The following PRKAR2A variants were observed in gnomAD, a reference collection of about 807,000 sequenced individuals.
PRKAR2A encodes the protein cAMP-dependent protein kinase type II-alpha regulatory subunit.
Under a neutral mutation model 51.9 loss-of-function variants are expected in PRKAR2A, and 29 were observed. That is an observed-to-expected ratio of 0.56 (90% CI 0.42 to 0.76). PRKAR2A has a LOEUF of 0.76. Among genes scored for constraint, PRKAR2A ranks in the 30% least tolerant of loss-of-function variants. The pLI is 0.00. For missense variants in PRKAR2A, 445 were observed against 512.1 expected, an observed-to-expected ratio of 0.87 and a Z score of 1.26; for synonymous variants, 178 against 186.2, an observed-to-expected ratio of 0.96 and a Z score of 0.36.
downstream of PRKAR2A, among the ~76,000 whole-genome samples, chr3:48,745,740 T>C (rs1222805913): frequency 6.6e-6 from 1 of 152,078 alleles, no homozygotes; most frequent in African/African-American, 2.4e-5. Flanking sequence ...GGTTTCACCA[T>C]GTTGGCCAGG....
intron 1 of PRKAR2A, among the ~76,000 whole-genome samples, chr3:48,819,594 T>C (rs1396041067): frequency 2.6e-5 from 4 of 152,224 alleles, no homozygotes; most frequent in Admixed American, 6.5e-5. Context: ...AATTCCACCA[T>C]TCCATTATTT....
chr3:48,778,766 C>T (rs940649020), intron 5 of PRKAR2A, among the ~76,000 whole-genome samples: 2 of 151,222 alleles, frequency 1.3e-5, no homozygotes, highest in Non-Finnish European at 2.9e-5. Flanking sequence ...GACCTGCCCG[C>T]CTCAGCCTCC....
chr3:48,825,080 G>C (rs1277500005), intron 1 of PRKAR2A, among the ~76,000 whole-genome samples: 1 of 130,902 alleles, frequency 7.6e-6, no homozygotes, highest in African/African-American at 2.9e-5. Flanking sequence ...TGTTGCCCAG[G>C]CTGGAGTGCA....
intron 4 of PRKAR2A, among the ~76,000 whole-genome samples, chr3:48,784,112 G>T (rs1056797760): frequency 6.6e-6 from 1 of 152,150 alleles, no homozygotes; most frequent in East Asian, 1.9e-4. Context: ...ATAATGAAAA[G>T]AAAATAATAC....
chr3:48,816,257 C>T (rs573850321), intron 1 of PRKAR2A, among the ~76,000 whole-genome samples: 1 of 152,174 alleles, frequency 6.6e-6, no homozygotes, highest in African/African-American at 2.4e-5. Context: ...AGTGAAAACA[C>T]CCTAGGCACA....
At chr3:48,772,733 C>T (rs1165824335) in intron 6 of PRKAR2A, among the ~76,000 whole-genome samples, 6 of 152,082 alleles carry the variant, frequency 3.9e-5, no homozygotes, top group South Asian at 2.1e-4. Context: ...CTCCACCTCC[C>T]GAGTTCACGC....
At position 48,829,847 on chromosome 3, in the gene PRKAR2A, G is replaced by GTGTATATATATATA. The variant is rs777532795; in HGVS notation, c.262+17487_262+17488insTATATATATATACA. Reference sequence around the variant, plus strand: ...TATACATACATATATATGCGTGTGTGTATATATATATATATATATATATAT... The same window carrying GTGTATATATATATA: ...TATACATACATATATATGCGTGTGTGTGTATATATATATATATATATATATATATATATATATAT... On this transcript the variant is annotated intron_variant, in intron 1 of 10. Coordinates refer to ENST00000265563, the MANE Select transcript of PRKAR2A (RefSeq NM_004157.4). Among the ~76,000 whole-genome samples, 66 of 63,732 alleles carry GTGTATATATATATA rather than the reference G, an allele frequency of 1.0e-3. 1 individual carries two copies. Among genetic ancestry groups the GTGTATATATATATA allele is most frequent in the East Asian group, 2.9e-3 (5 of 1,706 alleles). 41.8% of individuals were successfully genotyped at this position (63,732 alleles called of 152,430 possible). A position where few individuals can be genotyped will look rare whatever the true frequency, so the allele number is the denominator to read the frequency against.
In PRKAR2A at chr3:48,778,178, G is replaced by C. The variant is rs192090162; in HGVS notation, c.542+4808C>G. Among the ~76,000 whole-genome samples the C allele has an allele frequency of 1.4e-3, 210 of 152,086 alleles. 3 individuals are homozygous for C. Among genetic ancestry groups the C allele is most frequent in the Non-Finnish European group, 2.2e-4 (15 of 67,976 alleles). ...GACAATCTTTCTTTTTTGTTTTGTAGAGACAGGGGTCTCACTATGTTGCCC... is the reference window on the plus strand; with the variant it reads ...GACAATCTTTCTTTTTTGTTTTGTACAGACAGGGGTCTCACTATGTTGCCC... On this transcript the variant is annotated intron_variant, in intron 5 of 10. Transcript: ENST00000265563.
In PRKAR2A at chr3:48,847,756, C is replaced by T; in HGVS notation, c.-160G>A. ...TGGCCGGCTCTGCGTTTCCGGGCCGCGCAACCCTACGCTACCACGGCCGAC... is the reference window on the plus strand; with the variant it reads ...TGGCCGGCTCTGCGTTTCCGGGCCGTGCAACCCTACGCTACCACGGCCGAC... On this transcript the variant is annotated 5_prime_UTR_variant, in exon 1 of 11. Transcript: ENST00000265563. This position sits in a 1 kb window ranked among gnomAD's most constrained non-coding sequence, Gnocchi z 4.4. The T allele has an allele frequency of 1.4e-6, 1 of 716,134 alleles. No homozygotes were observed. The highest frequency in any genetic ancestry group is 2.0e-6 in the Non-Finnish European group (1 of 498,722). The allele number at this position is 716,134 out of a possible 1,614,324, so 44.4% of individuals were successfully genotyped here. A position where few individuals can be genotyped will look rare whatever the true frequency, so the allele number is the denominator to read the frequency against.
chr3:48,827,526 G>A (rs72931155), intron 1 of PRKAR2A, among the ~76,000 whole-genome samples: 7,187 of 152,208 alleles, frequency 0.047, 572 homozygotes, highest in African/African-American at 0.16. Context: ...ATTACAGAGT[G>A]TACTTACACA....
intron 1 of PRKAR2A, among the ~76,000 whole-genome samples, chr3:48,815,890 G>A (rs1559638184): frequency 6.6e-6 from 1 of 150,378 alleles, no homozygotes. Context: ...GTGGTGGCAC[G>A]CGCCTGTAAT....
intron 9 of PRKAR2A, among the ~76,000 whole-genome samples, chr3:48,754,375 C>G (rs371146876): frequency 6.6e-6 from 1 of 151,878 alleles, no homozygotes; most frequent in African/African-American, 2.4e-5. Flanking sequence ...GTAGCTGTGA[C>G]TACAGCTATG....
intron 8 of PRKAR2A, among the ~76,000 whole-genome samples, 169 bp downstream of exon 8, chr3:48,764,835 G>A (rs1186647206): frequency 6.6e-6 from 1 of 152,182 alleles, no homozygotes; most frequent in Non-Finnish European, 1.5e-5. Flanking sequence ...ATGTTGGCCA[G>A]GCTGGTCTTG....
chr3:48,761,917 C>T (rs1351747460), intron 8 of PRKAR2A, among the ~76,000 whole-genome samples: 1 of 152,172 alleles, frequency 6.6e-6, no homozygotes, highest in Non-Finnish European at 1.5e-5. Context: ...GCCACCCTGC[C>T]TGACCAAAAA....
At chr3:48,835,091 C>T (rs2083259100) in intron 1 of PRKAR2A, among the ~76,000 whole-genome samples, 1 of 151,896 alleles carries the variant, frequency 6.6e-6, no homozygotes, top group African/African-American at 2.4e-5. Context: ...CCCACCTCAG[C>T]CTCCAGAGTT....
At chr3:48,825,785 TTA>T (rs964628651) in intron 1 of PRKAR2A, among the ~76,000 whole-genome samples, 15 of 152,184 alleles carry the variant, frequency 9.9e-5, no homozygotes, top group Non-Finnish European at 1.9e-4. Context: ...TTCAGTAGAA[TTA>T]TATATAATAG....
chr3:48,777,364 C>T (rs1379645211), intron 5 of PRKAR2A, among the ~76,000 whole-genome samples: 1 of 152,064 alleles, frequency 6.6e-6, no homozygotes. Flanking sequence ...TGGAATCATA[C>T]ACTGGTAATC....
intron 1 of PRKAR2A, among the ~76,000 whole-genome samples, chr3:48,835,510 A>G (rs1406070217): frequency 6.6e-6 from 1 of 151,846 alleles, no homozygotes; most frequent in East Asian, 1.9e-4. Context: ...GCGTGGTGGC[A>G]GACGCCTGTA....
At chr3:48,777,968 T>C (rs1172649722) in intron 5 of PRKAR2A, among the ~76,000 whole-genome samples, 3 of 152,180 alleles carry the variant, frequency 2.0e-5, no homozygotes, top group African/African-American at 4.8e-5. Context: ...CATGAACTCA[T>C]TTCAGGCAGC....
Sources: allele counts gnomAD v4.1 joint callset (sites outside exome capture counted in the v4.1 genomes callset), GRCh38; gene constraint gnomAD v4.1.1; non-coding constraint Gnocchi (gnomAD v3.1); transcripts MANE v1.5; gene names NCBI Gene and HGNC (gene_info 2026-07-23, HGNC 2026-07-21).